Variants in DLGAP1 observed in about 807,000 individuals in gnomAD.
The protein encoded by DLGAP1 is disks large-associated protein 1.
In DLGAP1, 11 loss-of-function variants were observed where a neutral mutation model predicts 90.8. That is an observed-to-expected ratio of 0.12 (90% CI 0.08 to 0.20). The LOEUF is 0.20. Among genes scored for constraint, DLGAP1 ranks in the 10% least tolerant of loss-of-function variants. The pLI, the probability that DLGAP1 is intolerant of heterozygous loss-of-function variation, is 1.00. For missense variants in DLGAP1, 1,050 were observed against 1,333.8 expected (o/e 0.79, Z 3.31); for synonymous variants, 558 against 540.7 (o/e 1.03, Z -0.44).
At chr18:4,278,759 CACAT>C (rs1444312105) in intron 1 of DLGAP1, among the ~76,000 whole-genome samples, 19 of 109,814 alleles carry the variant, frequency 1.7e-4, no homozygotes. Flanking sequence ...CACACACACA[CACAT>C]ATTTTATCTA....
At chr18:4,176,215 T>C (rs2077104475) in intron 1 of DLGAP1, among the ~76,000 whole-genome samples, 1 of 152,200 alleles carries the variant, frequency 6.6e-6, no homozygotes, top group South Asian at 2.1e-4. Context: ...TCCCTTCATA[T>C]AGGTCAGAAG....
At chr18:3,724,153 C>T (rs557027073) in intron 7 of DLGAP1, among the ~76,000 whole-genome samples, 4 of 152,068 alleles carry the variant, frequency 2.6e-5, no homozygotes, top group East Asian at 3.9e-4. Flanking sequence ...AGCAAGTCTT[C>T]GTCTCTACCT....
intron 7 of DLGAP1, among the ~76,000 whole-genome samples, chr18:3,718,926 GAAAA>G (rs58552058): frequency 6.3e-5 from 6 of 95,458 alleles, no homozygotes; most frequent in Non-Finnish European, 1.3e-4. Flanking sequence ...GACTTTGTCT[GAAAA>G]AAAAAAAAAA....
intron 3 of DLGAP1, among the ~76,000 whole-genome samples, chr18:4,003,208 C>T (rs1272849651): frequency 1.3e-5 from 2 of 152,160 alleles, no homozygotes; most frequent in Non-Finnish European, 2.9e-5. Flanking sequence ...CCAGTTGGTT[C>T]TAACAGGCCT....
At chr18:3,752,175 C>T (rs1054778208) in intron 5 of DLGAP1, among the ~76,000 whole-genome samples, 28 of 152,126 alleles carry the variant, frequency 1.8e-4, no homozygotes, top group Admixed American at 6.6e-4. Context: ...TGAGCCACCA[C>T]GGCCGGCTCA....
chr18:4,156,717 T>TA (rs537377402), intron 1 of DLGAP1, among the ~76,000 whole-genome samples: 37 of 152,166 alleles, frequency 2.4e-4, no homozygotes, highest in South Asian at 2.1e-4. Context: ...TCTATAGACC[T>TA]AAAAAAACCC....
intron 2 of DLGAP1, among the ~76,000 whole-genome samples, chr18:4,047,069 A>G (rs1290945729): frequency 1.3e-5 from 2 of 152,228 alleles, no homozygotes; most frequent in Non-Finnish European, 2.9e-5. Flanking sequence ...ACTTACTTCA[A>G]TGTTGAATTT....
At chr18:4,418,407 T>C (rs12965688) in intron 1 of DLGAP1, among the ~76,000 whole-genome samples, 5,875 of 152,242 alleles carry the variant, frequency 0.039, 147 homozygotes, top group Non-Finnish European at 0.065. Flanking sequence ...TGGAAGTAAC[T>C]GATAAGGAAT....
intron 2 of DLGAP1, among the ~76,000 whole-genome samples, chr18:4,092,000 A>G (rs2143763895): frequency 6.6e-6 from 1 of 152,258 alleles, no homozygotes; most frequent in East Asian, 1.9e-4. Flanking sequence ...ATGTCTGGAA[A>G]CGGCACACTT....
intron 9 of DLGAP1, among the ~76,000 whole-genome samples, chr18:3,549,377 G>C (rs1253493127): frequency 6.7e-6 from 1 of 148,262 alleles, no homozygotes; most frequent in Non-Finnish European, 1.5e-5. Context: ...CTGTTGCCCA[G>C]GCTGGAGTGC....
At chr18:4,297,823 C>T (rs186574999) in intron 1 of DLGAP1, among the ~76,000 whole-genome samples, 1 of 152,176 alleles carries the variant, frequency 6.6e-6, no homozygotes. Context: ...GGCAGAGGTG[C>T]GAGTAGCCCA....
intron 7 of DLGAP1, among the ~76,000 whole-genome samples, chr18:3,658,951 G>T (rs758359793): frequency 6.6e-6 from 1 of 152,168 alleles, no homozygotes; most frequent in African/African-American, 2.4e-5. Flanking sequence ...CATTTACTGA[G>T]TTGGGGAAAC....
At chr18:3,633,045 T>C (rs955405640) in intron 7 of DLGAP1, among the ~76,000 whole-genome samples, 8 of 152,338 alleles carry the variant, frequency 5.3e-5, no homozygotes, top group African/African-American at 1.9e-4. Flanking sequence ...CCTATTAGGC[T>C]ACGCCTTGGG....
At chr18:3,725,546 C>T (rs1440122580) in intron 7 of DLGAP1, among the ~76,000 whole-genome samples, 1 of 152,124 alleles carries the variant, frequency 6.6e-6, no homozygotes, top group Non-Finnish European at 1.5e-5. Flanking sequence ...TTCTACTTTC[C>T]TACCCTGATA....
intron 1 of DLGAP1, among the ~76,000 whole-genome samples, chr18:4,267,703 G>A (rs1423104136): frequency 6.6e-6 from 1 of 152,156 alleles, no homozygotes; most frequent in Non-Finnish European, 1.5e-5. Context: ...GCTCAGGATC[G>A]CACATGAGGC....
At chr18:3,843,289 G>T (rs918369365) in intron 4 of DLGAP1, among the ~76,000 whole-genome samples, 3 of 152,170 alleles carry the variant, frequency 2.0e-5, no homozygotes, top group Admixed American at 6.6e-5. Context: ...CAGCATGCAT[G>T]GGTTGACCAC....
intron 4 of DLGAP1, among the ~76,000 whole-genome samples, chr18:3,876,813 T>A (rs1467274328): frequency 2.0e-5 from 3 of 152,218 alleles, no homozygotes; most frequent in Non-Finnish European, 4.4e-5. Flanking sequence ...TCCAAATCTT[T>A]ATAGTAGGAG....
At chr18:4,015,031 G>A (rs2074497230) in intron 2 of DLGAP1, among the ~76,000 whole-genome samples, 1 of 152,164 alleles carries the variant, frequency 6.6e-6, no homozygotes, top group Non-Finnish European at 1.5e-5. Context: ...TGAACTGTTT[G>A]CTGCTCACCT....
intron 7 of DLGAP1, among the ~76,000 whole-genome samples, chr18:3,631,960 T>C (rs1274962964): frequency 1.3e-5 from 2 of 152,098 alleles, no homozygotes; most frequent in African/African-American, 2.4e-5. Context: ...TCTTATTTTT[T>C]GTAGAGGCAA....
Sources: gnomAD v4.1 joint callset for allele counts (sites outside exome capture counted in the v4.1 genomes callset) on GRCh38, gnomAD v4.1.1 for gene constraint, MANE v1.5 for transcripts, NCBI Gene and HGNC (gene_info 2026-07-23, HGNC 2026-07-21) for gene names.